ZP3: variants seen among roughly 807,000 people sequenced by gnomAD.
ZP3 encodes the protein zona pellucida sperm-binding protein 3.
Under a neutral mutation model 35.6 loss-of-function variants are expected in ZP3, and 21 were observed. The ratio of observed to expected loss-of-function variants is 0.59; its 90% CI spans 0.42 to 0.85. The LOEUF (loss-of-function observed/expected upper bound fraction) is 0.85, where lower values mean the gene tolerates loss of function less well. ZP3 is among the 40% of genes least tolerant of loss of function. ZP3 has a pLI of 0.00. For synonymous variants in ZP3, 207 were observed against 214.5 expected, an observed-to-expected ratio of 0.96 and a Z score of 0.31; for missense variants, 437 against 536.5, an observed-to-expected ratio of 0.81 and a Z score of 1.83.
chr7:76,423,067 G>GAAAGAAAGAAAGAAAGAAAGAAAGAAAC (rs1554624531), upstream of ZP3, among the ~76,000 whole-genome samples: 49 of 143,342 alleles, frequency 3.4e-4, 1 homozygote, highest in African/African-American at 1.1e-3. Flanking sequence ...AAGAAAGAAA[G>GAAAGAAAGAAAGAAAGAAAGAAAGAAAC]AAAGAAAGAA....
At chr7:76,429,375 G>A (rs1474670704) in intron 1 of ZP3, 140 bp from the exon 2 acceptor site, 1 of 762,438 alleles carries the variant, frequency 1.3e-6, no homozygotes, top group Non-Finnish European at 2.3e-6. Context: ...TGGGGTTACA[G>A]GCATGAGTCA....
chr7:76,434,872 G>A (rs1805943094), intron 5 of ZP3, among the ~76,000 whole-genome samples: 3 of 149,984 alleles, frequency 2.0e-5, no homozygotes, highest in Admixed American at 6.7e-5. Context: ...CTTAAGTGTT[G>A]GTTCTGCCAG....
rs746728314 is a variant in ZP3, at chr7:76,425,280, A to G, written c.312+4A>G. ...CGAGTGTGGCAACAGCATGCAGGTA[A>G]GAGAGGCTGGGGGCCCTGGCTTTGG... On this transcript the variant is annotated splice_donor_region_variant and intron_variant, in intron 1 of 7. Transcript: ENST00000394857. The G allele has an allele frequency of 1.3e-6, 2 of 1,598,152 alleles. No individual in the cohort carries two copies. Among genetic ancestry groups the G allele is most frequent in the Non-Finnish European group, 1.7e-6 (2 of 1,170,702 alleles).
At chr7:76,432,333 C>A (rs551220397) in intron 2 of ZP3, among the ~76,000 whole-genome samples, 4 of 152,014 alleles carry the variant, frequency 2.6e-5, no homozygotes, top group African/African-American at 9.7e-5. Context: ...GGACTAAAGG[C>A]GCCCGCCACC....
upstream of ZP3, chr7:76,424,888 A>G: frequency 2.2e-6 from 3 of 1,372,272 alleles, no homozygotes; most frequent in Non-Finnish European, 2.9e-6. Context: ...TGAGAAGCTG[A>G]GAGCCCAGGT....
upstream of ZP3, among the ~76,000 whole-genome samples, chr7:76,422,156 C>G (rs560717477): frequency 6.6e-6 from 1 of 152,036 alleles, no homozygotes; most frequent in African/African-American, 2.4e-5. Flanking sequence ...CTCGGCCTCC[C>G]AAAATGCTGG....
rs1035699622 is a variant in ZP3 at position 76,425,348 on chromosome 7, C to T, written c.312+72C>T. 6 of 1,484,590 alleles carry T rather than the reference C, an allele frequency of 4.0e-6. No homozygotes were observed. The Admixed American group carries it at 1.2e-4, about 30-fold the overall frequency. 92.0% of individuals were successfully genotyped at this position (1,484,590 alleles called of 1,614,324 possible). On this transcript the variant is annotated intron_variant, in intron 1 of 7. Transcript: ENST00000394857. ...CAGCCGGGTATGGGGACTGTGGCCA[C>T]CATCGGTGGGAGGTGGGGTTGGGTG...
intron 2 of ZP3, among the ~76,000 whole-genome samples, chr7:76,431,996 T>C (rs1805840102): frequency 6.6e-6 from 1 of 151,574 alleles, no homozygotes; most frequent in Non-Finnish European, 1.5e-5. Flanking sequence ...CCTGAACCTC[T>C]AGGGCTAAAG....
rs60553917 is a variant in ZP3, at chr7:76,436,030, C to CTTTT, written c.831+1917_831+1920dup. On this transcript the variant is annotated intron_variant, in intron 5 of 7. Transcript: ENST00000394857. ...TGAACCACCACGCGCCCCCCGCCCCCTTTTTTTTTTTTTTTTTTTTTTTTT... is the reference window on the plus strand; with the variant it reads ...TGAACCACCACGCGCCCCCCGCCCCCTTTTTTTTTTTTTTTTTTTTTTTTTTTTT... Among the ~76,000 whole-genome samples, 47 of 74,354 alleles carry CTTTT rather than the reference C, an allele frequency of 6.3e-4. 2 individuals are homozygous for CTTTT. The highest frequency in any genetic ancestry group is 8.5e-4 in the Non-Finnish European group (33 of 38,944). The allele number at this position is 74,354 out of a possible 152,430, so 48.8% of individuals were successfully genotyped here. A position where few individuals can be genotyped will look rare whatever the true frequency, so the allele number is the denominator to read the frequency against.
chr7:76,406,479 ATTTT>A (rs1038487806), intron 1 of ZP3, among the ~76,000 whole-genome samples: 1 of 151,672 alleles, frequency 6.6e-6, no homozygotes, highest in Non-Finnish European at 1.5e-5. Flanking sequence ...ACTTTAAAGA[ATTTT>A]TTTATTTTTT....
At chr7:76,420,936 CTT>C (rs547626231), upstream of ZP3, among the ~76,000 whole-genome samples, 8 of 139,528 alleles carry the variant, frequency 5.7e-5, no homozygotes, top group Admixed American at 7.3e-5. Context: ...TGTGTCTCCA[CTT>C]TTTTTTTTTT....
intron 5 of ZP3, among the ~76,000 whole-genome samples, chr7:76,436,048 T>TCC (rs1805995942): frequency 2.6e-4 from 11 of 43,118 alleles, no homozygotes; most frequent in African/African-American, 1.0e-3. Flanking sequence ...TTTTTTTTTT[T>TCC]TTTTTTTTTT....
chr7:76,406,813 C>T (rs973757375), intron 1 of ZP3, among the ~76,000 whole-genome samples: 5 of 151,632 alleles, frequency 3.3e-5, no homozygotes, highest in Non-Finnish European at 7.4e-5. Context: ...AAGGCCTTTC[C>T]ACCCAAAATG....
At chr7:76,400,022 A>C (rs1184344301) in intron 1 of ZP3, among the ~76,000 whole-genome samples, 1 of 152,124 alleles carries the variant, frequency 6.6e-6, no homozygotes, top group African/African-American at 2.4e-5. Context: ...TTTTAAAGGG[A>C]GAGGGGCTCT....
chr7:76,412,962 C>CTTTTTTTTTT (rs201143080), intron 1 of ZP3, among the ~76,000 whole-genome samples: 6 of 113,760 alleles, frequency 5.3e-5, no homozygotes, highest in Non-Finnish European at 8.5e-5. Context: ...TCTTCTTCTT[C>CTTTTTTTTTT]TTCTTTTTTT....
Position 76,441,834 on chromosome 7 carries a change from T to C in ZP3, c.1061-8T>C, listed in dbSNP as rs1444827613. 2 of 1,613,674 alleles carry C rather than the reference T, an allele frequency of 1.2e-6. No individual in the cohort carries two copies. Among genetic ancestry groups the C allele is most frequent in the Non-Finnish European group, 1.7e-6 (2 of 1,179,800 alleles). ...GATAACCCTTGGTTGTGTGTTCTCCTTTCACAGTGACAGAAGAAGCAGATG... is the reference window on the plus strand; with the variant it reads ...GATAACCCTTGGTTGTGTGTTCTCCCTTCACAGTGACAGAAGAAGCAGATG... On this transcript the variant is annotated splice_polypyrimidine_tract_variant and splice_region_variant and intron_variant, in intron 7 of 7. Transcript: ENST00000394857.
chr7:76,423,067 G>GGAAGAAAGAAAGAAAC (rs1805559695), upstream of ZP3, among the ~76,000 whole-genome samples: 2 of 143,390 alleles, frequency 1.4e-5, no homozygotes, highest in African/African-American at 5.5e-5. Flanking sequence ...AAGAAAGAAA[G>GGAAGAAAGAAAGAAAC]AAAGAAAGAA....
intron 1 of ZP3, among the ~76,000 whole-genome samples, chr7:76,403,537 C>T (rs1584030674): frequency 6.6e-6 from 1 of 151,830 alleles, no homozygotes; most frequent in East Asian, 1.9e-4. Context: ...GGGGTTTCAC[C>T]ATGTTGGCCG....
intron 5 of ZP3, among the ~76,000 whole-genome samples, chr7:76,438,538 G>GGAAAGAAAAA (rs1554626485): frequency 1.1e-5 from 1 of 88,560 alleles, no homozygotes; most frequent in African/African-American, 5.4e-5. Flanking sequence ...CTCCGTCTCA[G>GGAAAGAAAAA]AAAAAAAAAA....
Sources: gnomAD v4.1 joint callset for allele counts (sites outside exome capture counted in the v4.1 genomes callset) on GRCh38, gnomAD v4.1.1 for gene constraint, MANE v1.5 for transcripts, NCBI Gene and HGNC (gene_info 2026-07-23, HGNC 2026-07-21) for gene names.